Variants in OR52N2 observed in about 807,000 individuals in gnomAD.
The protein encoded by OR52N2 is olfactory receptor family 52 subfamily N member 2.
For missense variants in OR52N2, 326 were observed against 196.6 expected (o/e 1.66, Z -3.94); for synonymous variants, 129 against 72.0 (o/e 1.79, Z -4.01).
chr11:5,816,774 C>T (rs937645872), intron 1 of OR52N2, among the ~76,000 whole-genome samples: 2 of 152,062 alleles, frequency 1.3e-5, no homozygotes, highest in South Asian at 2.1e-4. Context: ...CTTGGGCCCC[C>T]CAAAGTGCTG....
At chr11:5,812,730 A>T (rs1297085294) in intron 1 of OR52N2, among the ~76,000 whole-genome samples, 1 of 152,078 alleles carries the variant, frequency 6.6e-6, no homozygotes, top group Non-Finnish European at 1.5e-5. Flanking sequence ...CAATGAAAAG[A>T]TCACCCAGAT....
rs759877064 is a variant in OR52N2 at position 5,821,000 on chromosome 11, T to C, written c.665T>C (p.Met222Thr). Reference protein sequence around the residue: ...DICCISVSYTMILQAVMSLSS... With the variant: ...DICCISVSYTTILQAVMSLSS... ...TGCTGTATCTCTGTATCTTACACTATGATTTTGCAGGCTGTTATGAGCCTG... is the reference window on the plus strand; with the variant it reads ...TGCTGTATCTCTGTATCTTACACTACGATTTTGCAGGCTGTTATGAGCCTG... Residue 222 changes from methionine to threonine, a missense_variant, in exon 2 of 2, where the codon ATG (methionine) becomes ACG (threonine). Met to Thr is a moderately conservative substitution (Grantham distance 81). Transcript: ENST00000317037. 2.6e-6 allele frequency: 2 copies of C among 781,110 alleles called. No individual in the cohort carries two copies. The highest frequency in any genetic ancestry group is 1.3e-5 in the South Asian group (1 of 74,626). 48.4% of individuals were successfully genotyped at this position (781,110 alleles called of 1,614,324 possible). A position where few individuals can be genotyped will look rare whatever the true frequency, so the allele number is the denominator to read the frequency against.
intron 1 of OR52N2, among the ~76,000 whole-genome samples, chr11:5,819,978 G>A (rs560813251): frequency 2.0e-5 from 3 of 152,316 alleles, no homozygotes; most frequent in South Asian, 2.1e-4. Context: ...CTTATTGAAG[G>A]AGGAAGACAG....
Position 5,820,644 on chromosome 11 carries a change from G to GT in OR52N2, c.315dup (p.Val106CysfsTer77). The GT allele has an allele frequency of 1.3e-6, 1 of 786,762 alleles. No homozygotes were observed. The highest frequency in any genetic ancestry group is 1.3e-5 in the South Asian group (1 of 74,712). 48.7% of individuals were successfully genotyped at this position (786,762 alleles called of 1,614,324 possible). On this transcript the variant is annotated frameshift_variant, in exon 2 of 2. Transcript: ENST00000317037. LOFTEE classifies it low-confidence loss of function (END_TRUNC). ...ACTTTAACGCCTGCCTGGCCCAGAT[G>GT]TTTTTTGTCCATATGCTGACAGGGA...
At chr11:5,815,319 T>C (rs1354201542) in intron 1 of OR52N2, among the ~76,000 whole-genome samples, 4 of 152,002 alleles carry the variant, frequency 2.6e-5, no homozygotes, top group African/African-American at 9.7e-5. Flanking sequence ...AAAATATTTA[T>C]AAATTATATA....
chr11:5,810,853 T>C (rs1590364472), intron 1 of OR52N2, among the ~76,000 whole-genome samples: 1 of 152,130 alleles, frequency 6.6e-6, no homozygotes, highest in Non-Finnish European at 1.5e-5. Context: ...TAGAGCCCTA[T>C]GCCTATGATG....
intron 1 of OR52N2, among the ~76,000 whole-genome samples, chr11:5,811,169 C>T (rs1846358506): frequency 6.6e-6 from 1 of 151,814 alleles, no homozygotes; most frequent in Non-Finnish European, 1.5e-5. Flanking sequence ...TGTATTACTA[C>T]CAGACCTGCC....
At chr11:5,809,935 G>A (rs909280045) in intron 1 of OR52N2, among the ~76,000 whole-genome samples, 1 of 152,162 alleles carries the variant, frequency 6.6e-6, no homozygotes, top group Non-Finnish European at 1.5e-5. Flanking sequence ...AGAACAAATA[G>A]CAGTAAGTTT....
At chr11:5,812,574 C>A (rs865821265) in intron 1 of OR52N2, among the ~76,000 whole-genome samples, 11 of 150,120 alleles carry the variant, frequency 7.3e-5, no homozygotes, top group Non-Finnish European at 1.3e-4. Context: ...ATACAGAGGG[C>A]AATTAATCAA....
intron 1 of OR52N2, among the ~76,000 whole-genome samples, chr11:5,812,308 C>T (rs112567621): frequency 2.1e-5 from 3 of 145,602 alleles, no homozygotes; most frequent in Non-Finnish European, 3.1e-5. Flanking sequence ...TCCTGGCTAA[C>T]ACGGTGAAAC....
chr11:5,809,148 C>T (rs1374255646), intron 1 of OR52N2, among the ~76,000 whole-genome samples, 94 bp downstream of exon 1: 3 of 152,146 alleles, frequency 2.0e-5, no homozygotes, highest in Non-Finnish European at 4.4e-5. Context: ...GGAATAAATG[C>T]TCAGTGCCGC....
chr11:5,814,545 A>C (rs984809304), intron 1 of OR52N2, among the ~76,000 whole-genome samples: 2 of 152,094 alleles, frequency 1.3e-5, no homozygotes, highest in African/African-American at 4.8e-5. Context: ...TATAATTAAA[A>C]CTGTAAAATA....
Position 5,813,552 on chromosome 11 carries a change from A to T in OR52N2, c.-55+4498A>T, listed in dbSNP as rs116111435. ...TAAAAAATCTCCCATCAAAAAAAAT[A>T]AAAAAAATCCAGGACATGGAGGCTT... On this transcript the variant is annotated intron_variant, in intron 1 of 1. Coordinates refer to ENST00000317037, the MANE Select transcript of OR52N2 (RefSeq NM_001005174.3). Among the ~76,000 whole-genome samples the T allele has an allele frequency of 7.2e-3, 1,089 of 152,162 alleles. 14 individuals carry two copies. The highest frequency in any genetic ancestry group is 0.025 in the African/African-American group (1,030 of 41,474).
chr11:5,820,970 A>C lies in OR52N2; in HGVS notation c.635A>C (p.Asp212Ala). 1 of 780,936 alleles carries C rather than the reference A, an allele frequency of 1.3e-6. No individual in the cohort carries two copies. Among genetic ancestry groups the C allele is most frequent in the Non-Finnish European group, 2.4e-6 (1 of 418,116 alleles). The allele number at this position is 780,936 out of a possible 1,614,324, so 48.4% of individuals were successfully genotyped here. ...GTTGCTCTCCTGATTGGTGTGTTTG[A>C]TATCTGCTGTATCTCTGTATCTTAC... ...LMVALLIGVF[D>A]ICCISVSYTM... Residue 212 changes from aspartate (D) to alanine (A), a missense_variant, in exon 2 of 2, where the codon GAT becomes GCT. Asp to Ala is a moderately radical substitution (Grantham distance 126). Coordinates refer to ENST00000317037, the MANE Select transcript of OR52N2 (RefSeq NM_001005174.3).
Position 5,820,705 on chromosome 11 carries a change from C to T in OR52N2, c.370C>T (p.Arg124Cys), listed in dbSNP as rs201183437. ...SGVLMLMALD[R>C]YVAICYPLRY... is the part of the protein sequence containing the mutation. ...GGTGCTCATGCTCATGGCCCTGGAC[C>T]GCTATGTGGCCATCTGCTACCCCTT... The change falls in exon 2 of 2, where the codon CGC (arginine) becomes TGC (cysteine). Residue 124 changes from arginine (R) to cysteine (C), a missense_variant. Coordinates refer to ENST00000317037, the MANE Select transcript of OR52N2 (RefSeq NM_001005174.3). The T allele has an allele frequency of 3.5e-5, 28 of 792,150 alleles. No homozygotes were observed. The highest frequency in any genetic ancestry group is 2.1e-4 in the South Asian group (16 of 74,502). The allele number at this position is 792,150 out of a possible 1,614,324, so 49.1% of individuals were successfully genotyped here.
In OR52N2 at chr11:5,812,629, C is replaced by T. The variant is rs527726121; in HGVS notation, c.-55+3575C>T. Among the ~76,000 whole-genome samples the T allele has an allele frequency of 5.3e-5, 8 of 151,608 alleles. No homozygotes were observed. In the South Asian group the frequency reaches 1.7e-3, roughly 32 times the overall value. The stretch of plus-strand genomic sequence containing the variant: ...TATATATGTCTGTAATATCACAGCA[C>T]CTAAATATATAAAGAAAATATTAAT... On this transcript the variant is annotated intron_variant, in intron 1 of 1. Transcript: ENST00000317037.
chr11:5,812,581 T>C (rs1846372795), intron 1 of OR52N2, among the ~76,000 whole-genome samples: 1 of 151,060 alleles, frequency 6.6e-6, no homozygotes, highest in South Asian at 2.1e-4. Flanking sequence ...GGGCAATTAA[T>C]CAAGCACATT....
At chr11:5,819,141 G>A (rs1416228196) in intron 1 of OR52N2, among the ~76,000 whole-genome samples, 3 of 152,078 alleles carry the variant, frequency 2.0e-5, no homozygotes, top group Non-Finnish European at 4.4e-5. Flanking sequence ...TAGATAGTGA[G>A]GAATGTTTGG....
chr11:5,809,484 C>T (rs144550715), intron 1 of OR52N2, among the ~76,000 whole-genome samples: 6 of 152,066 alleles, frequency 3.9e-5, no homozygotes, highest in East Asian at 1.9e-4. Context: ...CAGGTAACTA[C>T]GGGAACAGAT....
Sources: allele counts gnomAD v4.1 joint callset (sites outside exome capture counted in the v4.1 genomes callset), GRCh38; gene constraint gnomAD v4.1.1; transcripts MANE v1.5; gene names NCBI Gene and HGNC (gene_info 2026-07-23, HGNC 2026-07-21).